Variants in CFAP97D2 observed in about 807,000 individuals in gnomAD.
CFAP97D2 encodes CFAP97 domain containing 2, also known as uncharacterized protein CFAP97D2.
chr13:114,214,582 T>TTTTGTTTGTTTG (rs10636230), intron 4 of CFAP97D2, among the ~76,000 whole-genome samples: 2,037 of 150,986 alleles, frequency 0.013, 26 homozygotes, highest in African/African-American at 0.043. Flanking sequence ...ATATTTGAGG[T>TTTTGTTTGTTTG]TTTGTTTGTT....
downstream of CFAP97D2, chr13:114,222,712 G>C: frequency 2.5e-6 from 1 of 393,280 alleles, no homozygotes; most frequent in Non-Finnish European, 4.5e-6. This position sits in a 1 kb window ranked among gnomAD's most constrained non-coding sequence, Gnocchi z 4.4. Context: ...CCAGGGCCGG[G>C]GCCAGGGCAG....
At chr13:114,196,779 T>C (rs2080889491) in intron 2 of CFAP97D2, among the ~76,000 whole-genome samples, 1 of 152,208 alleles carries the variant, frequency 6.6e-6, no homozygotes, top group Non-Finnish European at 1.5e-5. Flanking sequence ...CAGGAAGTCC[T>C]TGAAAACATG....
chr13:114,196,099 C>G (rs148495488), intron 1 of CFAP97D2, among the ~76,000 whole-genome samples: 1 of 144,402 alleles, frequency 6.9e-6, no homozygotes, highest in Admixed American at 7.2e-5. Context: ...AAAAAAAAGC[C>G]TCTTGGCAAT....
chr13:114,197,674 T>C (rs897613998), intron 2 of CFAP97D2, among the ~76,000 whole-genome samples: 4 of 145,344 alleles, frequency 2.8e-5, no homozygotes, highest in Non-Finnish European at 5.9e-5. Flanking sequence ...CACCTCAGAA[T>C]GTTGGGTTTT....
At chr13:114,184,194 C>A (rs1041350455) in intron 1 of CFAP97D2, among the ~76,000 whole-genome samples, 1 of 152,004 alleles carries the variant, frequency 6.6e-6, no homozygotes, top group Non-Finnish European at 1.5e-5. Flanking sequence ...AACTAAAAAG[C>A]AAAGAGAACG....
At position 114,211,795 on chromosome 13, in the gene CFAP97D2, G is replaced by C. The variant is rs914977461; in HGVS notation, c.291-117G>C. The stretch of plus-strand genomic sequence containing the variant: ...TTCTTAAATGTTGGTTCAGTGGGAA[G>C]CAGGAGCAACCCTCCACCCCGGGAC... On this transcript the variant is annotated intron_variant, in intron 3 of 4. Coordinates refer to ENST00000646158, the Ensembl canonical transcript of CFAP97D2. This position sits in a 1 kb window ranked among gnomAD's most constrained non-coding sequence, Gnocchi z 4.2. The C allele has an allele frequency of 2.5e-6, 1 of 397,442 alleles. No individual in the cohort carries two copies. Among genetic ancestry groups the C allele is most frequent in the African/African-American group, 2.1e-5 (1 of 48,648 alleles). The allele number at this position is 397,442 out of a possible 1,614,324, so 24.6% of individuals were successfully genotyped here.
At chr13:114,209,235 C>T (rs546334977) in intron 3 of CFAP97D2, among the ~76,000 whole-genome samples, 1 of 152,354 alleles carries the variant, frequency 6.6e-6, no homozygotes, top group African/African-American at 2.4e-5. Context: ...CCGCATCCAA[C>T]ACAGCTAATT....
rs1331273324 is a variant in CFAP97D2 at position 114,187,570 on chromosome 13, A to G, written c.90+8150A>G. Among the ~76,000 whole-genome samples the G allele has an allele frequency of 6.6e-6, 1 of 152,216 alleles. No homozygotes were observed. Among genetic ancestry groups the G allele is most frequent in the Non-Finnish European group, 1.5e-5 (1 of 68,042 alleles). On this transcript the variant is annotated intron_variant, in intron 1 of 4. Coordinates refer to ENST00000646158, the Ensembl canonical transcript of CFAP97D2. The surrounding 1 kb of genome is among the most constrained non-coding windows in gnomAD (Gnocchi z 4.2). ...TCTCCAAAAAGGCATAATAATCCTTAATGTGCAAGCACCTAACAATAGAAT... is the reference window on the plus strand; with the variant it reads ...TCTCCAAAAAGGCATAATAATCCTTGATGTGCAAGCACCTAACAATAGAAT...
chr13:114,194,660 T>A (rs1277815258), intron 1 of CFAP97D2, among the ~76,000 whole-genome samples: 1 of 152,170 alleles, frequency 6.6e-6, no homozygotes, highest in South Asian at 2.1e-4. Context: ...TACAAAATGG[T>A]GATTTTTCGA....
intron 1 of CFAP97D2, among the ~76,000 whole-genome samples, chr13:114,182,337 T>G (rs1374662895): frequency 2.4e-4 from 37 of 152,246 alleles, no homozygotes; most frequent in South Asian, 2.1e-4. Context: ...CATAGGGCTG[T>G]TTTTCTCCTA....
chr13:114,209,367 G>A (rs1386924921), intron 3 of CFAP97D2, among the ~76,000 whole-genome samples: 11 of 152,194 alleles, frequency 7.2e-5, no homozygotes, highest in Admixed American at 5.9e-4. Flanking sequence ...TAGAAGACCA[G>A]ATAATAAAGT....
intron 1 of CFAP97D2, among the ~76,000 whole-genome samples, chr13:114,191,579 A>G (rs2080869556): frequency 6.6e-6 from 1 of 152,250 alleles, no homozygotes; most frequent in Non-Finnish European, 1.5e-5. Flanking sequence ...CAAAATCCAG[A>G]ACACTGACAA....
In CFAP97D2 at chr13:114,189,608, A is replaced by G. The variant is rs772256090; in HGVS notation, c.91-6788A>G. 6.6e-6 allele frequency among the ~76,000 whole-genome samples: 1 copy of G among 152,190 alleles called. No homozygotes were observed. The highest frequency in any genetic ancestry group is 1.5e-5 in the Non-Finnish European group (1 of 68,032). ...TAGCAAATTCGATTAAAAGTGTATA[A>G]AAAGTATTATATGCCATGACCAAGT... On this transcript the variant is annotated intron_variant, in intron 1 of 4. Coordinates refer to ENST00000646158, the Ensembl canonical transcript of CFAP97D2. The surrounding 1 kb of genome is among the most constrained non-coding windows in gnomAD (Gnocchi z 4.5).
chr13:114,182,352 A>T (rs1329853075), intron 1 of CFAP97D2, among the ~76,000 whole-genome samples: 2 of 152,160 alleles, frequency 1.3e-5, no homozygotes, highest in Admixed American at 6.5e-5. Context: ...CTCCTATCTC[A>T]GAATTGAACA....
At chr13:114,195,593 T>C (rs2080883326) in intron 1 of CFAP97D2, among the ~76,000 whole-genome samples, 1 of 152,238 alleles carries the variant, frequency 6.6e-6, no homozygotes, top group Non-Finnish European at 1.5e-5. Context: ...CAGTGATACA[T>C]ACAGGTCTCA....
chr13:114,182,011 T>C (rs111484461), intron 1 of CFAP97D2, among the ~76,000 whole-genome samples: 32,766 of 151,468 alleles, frequency 0.22, 4,625 homozygotes, highest in African/African-American at 0.39. Context: ...TATAGAGAAA[T>C]AACAGTGGGC....
exon 2 of CFAP97D2, chr13:114,196,423 A>G: frequency 2.5e-6 from 1 of 399,582 alleles, no homozygotes; most frequent in South Asian, 1.3e-4. Context: ...GCTGGTAGAC[A>G]CCCGCGCCCC....
chr13:114,182,465 A>G (rs372785650), intron 1 of CFAP97D2, among the ~76,000 whole-genome samples: 1 of 151,494 alleles, frequency 6.6e-6, no homozygotes, highest in Admixed American at 6.6e-5. Flanking sequence ...CTCTTTTACT[A>G]ATCCACCTCA....
chr13:114,197,307 T>C (rs890261628), intron 2 of CFAP97D2, among the ~76,000 whole-genome samples: 2 of 152,230 alleles, frequency 1.3e-5, no homozygotes, highest in East Asian at 3.8e-4. Flanking sequence ...CTATCTATCA[T>C]GTTGGTATCT....
Sources: gnomAD v4.1 joint callset for allele counts (sites outside exome capture counted in the v4.1 genomes callset) on GRCh38, gnomAD v4.1.1 for gene constraint, Gnocchi (gnomAD v3.1) non-coding constraint, MANE v1.5 for transcripts, NCBI Gene and HGNC (gene_info 2026-07-23, HGNC 2026-07-21) for gene names.